The following NOX4 variants were observed in gnomAD, a reference collection of about 807,000 sequenced individuals.
The protein encoded by NOX4 is kidney oxidase-1.
Under a neutral mutation model 87.6 loss-of-function variants are expected in NOX4, and 69 were observed. That is an observed-to-expected ratio of 0.79 (90% confidence interval 0.65 to 0.96). The LOEUF (loss-of-function observed/expected upper bound fraction) is 0.96. Ranked by LOEUF, NOX4 falls within the 40% of genes least tolerant of loss-of-function variation. The probability of loss-of-function intolerance (pLI) is 0.00; values close to 1 mark genes in which losing one functional copy is unlikely to be tolerated. For missense variants in NOX4, 680 were observed against 681.5 expected (o/e 1.00, Z 0.02); for synonymous variants, 275 against 238.2 (o/e 1.15, Z -1.42).
In NOX4 at chr11:89,421,973, G is replaced by C. The variant is rs1406181677; in HGVS notation, c.558C>G (p.Asn186Lys). 1 of 1,532,124 alleles carries C rather than the reference G, an allele frequency of 6.5e-7. No homozygotes were observed. The highest frequency in any genetic ancestry group is 8.8e-7 in the Non-Finnish European group (1 of 1,138,168). 94.9% of individuals were successfully genotyped at this position (1,532,124 alleles called of 1,614,324 possible). Reference sequence around the variant, plus strand: ...TATGAGTATACCAGAAGATATCATAGTTAGAAACTCTGCAAAAACAAATAC... The same window carrying C: ...TATGAGTATACCAGAAGATATCATACTTAGAAACTCTGCAAAAACAAATAC... ...TASTYAIRVS[N>K]YDIFWYTHNL... The change falls in exon 8 of 18, where the codon AAC becomes AAG. Residue 186 changes from asparagine to lysine, a missense_variant. Asn to Lys is a moderately conservative substitution (Grantham distance 94). Coordinates refer to ENST00000263317, the MANE Select transcript of NOX4 (RefSeq NM_016931.5).
chr11:89,543,459 G>A, the NOX4 span, among the ~76,000 whole-genome samples: 2 of 151,964 alleles, frequency 1.3e-5, no homozygotes, highest in Non-Finnish European at 2.9e-5. Flanking sequence ...ACATGGCTAC[G>A]AATTAGAGAA....
intron 8 of NOX4, among the ~76,000 whole-genome samples, chr11:89,416,347 C>A (rs1942770600): frequency 1.3e-5 from 2 of 152,114 alleles, no homozygotes; most frequent in South Asian, 4.1e-4. Flanking sequence ...CTAAGAGGAG[C>A]AAGTGCCTCC....
At chr11:89,426,135 T>C (rs754358106) in intron 7 of NOX4, among the ~76,000 whole-genome samples, 1 of 152,224 alleles carries the variant, frequency 6.6e-6, no homozygotes, top group Non-Finnish European at 1.5e-5. Flanking sequence ...TTTGTTATTT[T>C]AGCAGATGCA....
In NOX4 at chr11:89,324,795, A is replaced by G. The variant is rs1273778986; in HGVS notation, c.*1961T>C. 6.6e-6 allele frequency: 1 copy of G among 152,202 alleles called. No homozygotes were observed. Among genetic ancestry groups the G allele is most frequent in the Admixed American group, 6.5e-5 (1 of 15,286 alleles). 9.4% of individuals were successfully genotyped at this position (152,202 alleles called of 1,614,324 possible). A position where few individuals can be genotyped will look rare whatever the true frequency, so the allele number is the denominator to read the frequency against. ...TGTCAAGACATACTAGTTATTAAATATGCCTTCAGAGCTAAATCTGCATGA... is the reference window on the plus strand; with the variant it reads ...TGTCAAGACATACTAGTTATTAAATGTGCCTTCAGAGCTAAATCTGCATGA... On this transcript the variant is annotated 3_prime_UTR_variant, in exon 18 of 18. Transcript: ENST00000263317.
intron 12 of NOX4, among the ~76,000 whole-genome samples, 172 bp from the exon 13 acceptor site, chr11:89,355,215 T>C (rs935448180): frequency 6.6e-6 from 1 of 150,856 alleles, no homozygotes; most frequent in African/African-American, 2.4e-5. Context: ...ACATAGTGTA[T>C]GTATGTGTGT....
intron 2 of NOX4, among the ~76,000 whole-genome samples, chr11:89,460,349 G>A (rs1289992193): frequency 6.6e-6 from 1 of 152,032 alleles, no homozygotes; most frequent in East Asian, 1.9e-4. Flanking sequence ...CACAGCAAAA[G>A]AAACTACCAT....
At chr11:89,515,948 T>C in the NOX4 span, among the ~76,000 whole-genome samples, 1 of 152,070 alleles carries the variant, frequency 6.6e-6, no homozygotes, top group East Asian at 1.9e-4. Context: ...CCACCTCCAT[T>C]CCACTGTTAA....
the NOX4 span, among the ~76,000 whole-genome samples, chr11:89,584,747 C>T: frequency 1.3e-5 from 2 of 152,050 alleles, no homozygotes; most frequent in Non-Finnish European, 2.9e-5. Context: ...ATCTAGAATT[C>T]TCTACCTGAA....
chr11:89,523,794 A>G, the NOX4 span, among the ~76,000 whole-genome samples: 1 of 152,240 alleles, frequency 6.6e-6, no homozygotes, highest in African/African-American at 2.4e-5. Context: ...TCATCATTTA[A>G]AAGGAACTAA....
At chr11:89,345,235 C>T (rs1946166195) in intron 13 of NOX4, among the ~76,000 whole-genome samples, 1 of 152,094 alleles carries the variant, frequency 6.6e-6, no homozygotes, top group African/African-American at 2.4e-5. Flanking sequence ...TCACCATTCC[C>T]CCAGGAGCTA....
At chr11:89,485,451 A>C (rs1054919235) in intron 2 of NOX4, among the ~76,000 whole-genome samples, 1 of 152,076 alleles carries the variant, frequency 6.6e-6, no homozygotes, top group African/African-American at 2.4e-5. Flanking sequence ...TCATAAAATC[A>C]TTCTCTTTTC....
At chr11:89,451,733 G>A in intron 3 of NOX4, 52 bp downstream of exon 3, 2 of 1,239,622 alleles carry the variant, frequency 1.6e-6, no homozygotes, top group Non-Finnish European at 2.4e-6. Flanking sequence ...ACATGCGACT[G>A]TTACACTTGA....
intron 2 of NOX4, among the ~76,000 whole-genome samples, chr11:89,473,061 A>C (rs1309974622): frequency 6.6e-6 from 1 of 152,160 alleles, no homozygotes; most frequent in Non-Finnish European, 1.5e-5. Flanking sequence ...TGGTTCATCT[A>C]TTAAATTCCT....
At position 89,425,459 on chromosome 11, in the gene NOX4, G is replaced by C. The variant is rs1000439901; in HGVS notation, c.549-3477C>G. 2.0e-5 allele frequency among the ~76,000 whole-genome samples: 3 copies of C among 150,120 alleles called. No homozygotes were observed. In the South Asian group the frequency reaches 6.3e-4, roughly 31 times the overall value. On this transcript the variant is annotated intron_variant, in intron 7 of 17. Coordinates refer to ENST00000263317, the MANE Select transcript of NOX4 (RefSeq NM_016931.5). Reference sequence around the variant, plus strand: ...ATCTACCCAAAACATTTAGTAATATGGGTCTGGGAAAATAATGTATAAAAA... The same window carrying C: ...ATCTACCCAAAACATTTAGTAATATCGGTCTGGGAAAATAATGTATAAAAA...
intron 12 of NOX4, among the ~76,000 whole-genome samples, chr11:89,363,213 A>C (rs1938665526): frequency 6.6e-6 from 1 of 152,128 alleles, no homozygotes; most frequent in Non-Finnish European, 1.5e-5. Context: ...AAATAAAACA[A>C]ACCAACAAAG....
rs148221055 is a variant in NOX4 at position 89,454,694 on chromosome 11, A to T, written c.154-2799T>A. ...TCTGGGCATAAATAAAAAGCAAAGC[A>T]GGAACAACAAAGATCTCATCTACAG... On this transcript the variant is annotated intron_variant, in intron 2 of 17. Transcript: ENST00000263317. 6.2e-3 allele frequency among the ~76,000 whole-genome samples: 947 copies of T among 152,296 alleles called. 3 individuals carry two copies. The highest frequency in any genetic ancestry group is 0.014 in the Middle Eastern group (4 of 294).
At chr11:89,459,733 C>G (rs1305206230) in intron 2 of NOX4, among the ~76,000 whole-genome samples, 1 of 152,072 alleles carries the variant, frequency 6.6e-6, no homozygotes, top group Non-Finnish European at 1.5e-5. Context: ...GGCCATACTG[C>G]CCAAGGTAAT....
At chr11:89,472,146 A>C (rs1175930945) in intron 2 of NOX4, among the ~76,000 whole-genome samples, 1 of 152,190 alleles carries the variant, frequency 6.6e-6, no homozygotes, top group Non-Finnish European at 1.5e-5. Context: ...ACAATAATTG[A>C]AGCAATCATT....
chr11:89,405,557 G>C (rs1160147209), intron 8 of NOX4, among the ~76,000 whole-genome samples: 1 of 151,116 alleles, frequency 6.6e-6, no homozygotes, highest in East Asian at 2.0e-4. Flanking sequence ...CTTTGTCTTA[G>C]TTGTAACTCT....
Sources: allele counts gnomAD v4.1 joint callset (sites outside exome capture counted in the v4.1 genomes callset), GRCh38; gene constraint gnomAD v4.1.1; transcripts MANE v1.5; gene names NCBI Gene and HGNC (gene_info 2026-07-23, HGNC 2026-07-21).